The following KLRG2 variants were observed in gnomAD, a reference collection of about 807,000 sequenced individuals.
The protein encoded by KLRG2 is killer cell lectin like receptor G2.
Under a neutral mutation model 35.4 loss-of-function variants are expected in KLRG2, and 39 were observed. That is an observed-to-expected ratio of 1.10 (90% confidence interval 0.85 to 1.44). The LOEUF (loss-of-function observed/expected upper bound fraction) is 1.44. KLRG2 is among the 40% of genes most tolerant of loss of function. The pLI is 0.00. For missense variants in KLRG2, 632 were observed against 570.9 expected (o/e 1.11, Z -1.09); for synonymous variants, 283 against 265.8 (o/e 1.06, Z -0.63).
Position 139,479,740 on chromosome 7 carries a change from C to G in KLRG2, c.892G>C (p.Val298Leu), listed in dbSNP as rs768304250. ...ARCQQCPPGW[V>L]LSEEHCYYFS... ...TAGTAACAGTGCTCCTCGGACAACA[C>G]CCAGCCTGGGGGGCACTGCTGGCAT... is the stretch of plus-strand genomic sequence containing the variant. The change falls in exon 3 of 5, where the codon GTG becomes CTG. Residue 298 changes from valine to leucine, a missense_variant. Transcript: ENST00000340940. 6.2e-7 allele frequency: 1 copy of G among 1,614,044 alleles called. No individual in the cohort carries two copies. Among genetic ancestry groups the G allele is most frequent in the African/African-American group, 1.3e-5 (1 of 75,036 alleles).
At chr7:139,436,345 C>G in the KLRG2 span, among the ~76,000 whole-genome samples, 3 of 152,124 alleles carry the variant, frequency 2.0e-5, no homozygotes, top group Non-Finnish European at 4.4e-5. Flanking sequence ...GGAACCCCCC[C>G]CTTCACACCT....
At chr7:139,429,502 T>C in the KLRG2 span, among the ~76,000 whole-genome samples, 1 of 151,822 alleles carries the variant, frequency 6.6e-6, no homozygotes, top group Non-Finnish European at 1.5e-5. Flanking sequence ...CTGGTTTTCC[T>C]AGGCAGAGGA....
In KLRG2 at chr7:139,482,995, G is replaced by GGGGGAGCCC. The variant is rs1796989610; in HGVS notation, c.639_647dup (p.Gly214_Pro216dup). The GGGGGAGCCC allele has an allele frequency of 2.9e-6, 4 of 1,384,912 alleles. No individual in the cohort carries two copies. The highest frequency in any genetic ancestry group is 1.6e-5 in the South Asian group (1 of 60,644). 85.8% of individuals were successfully genotyped at this position (1,384,912 alleles called of 1,614,324 possible). On this transcript the variant is annotated inframe_insertion, in exon 1 of 5. Transcript: ENST00000340940. Reference sequence around the variant, plus strand: ...CCAGCTCCTTGCAGCGGCAGCACGTGGGGGAGCCCGGGGAGCCGGCGCTTC... The same window carrying GGGGGAGCCC: ...CCAGCTCCTTGCAGCGGCAGCACGTGGGGGAGCCCGGGGAGCCCGGGGAGCCGGCGCTTC...
rs752096203 is a variant in KLRG2 at position 139,473,543 on chromosome 7, A to T, written c.1005+6084T>A. Reference sequence around the variant, plus strand: ...TTACTCTCAATGACAGCAGCTGAGGATCACAACATTTGAGGAAATTTTCTA... The same window carrying T: ...TTACTCTCAATGACAGCAGCTGAGGTTCACAACATTTGAGGAAATTTTCTA... On this transcript the variant is annotated intron_variant, in intron 3 of 4. Coordinates refer to ENST00000340940, the MANE Select transcript of KLRG2 (RefSeq NM_198508.4). Among the ~76,000 whole-genome samples, 121 of 152,332 alleles carry T rather than the reference A, an allele frequency of 7.9e-4. 2 individuals carry two copies. Among genetic ancestry groups the T allele is most frequent in the Non-Finnish European group, 6.3e-4 (43 of 68,034 alleles).
intron 3 of KLRG2, among the ~76,000 whole-genome samples, chr7:139,478,718 T>C (rs138607314): frequency 0.014 from 2,086 of 152,010 alleles, 55 homozygotes; most frequent in African/African-American, 0.048. Context: ...CTGGATCCTA[T>C]CTATTGGTCC....
the KLRG2 span, among the ~76,000 whole-genome samples, chr7:139,447,520 C>T: frequency 3.3e-5 from 5 of 152,048 alleles, no homozygotes; most frequent in African/African-American, 1.2e-4. Context: ...CGTGCCTCAG[C>T]CTCCCAAGTA....
At chr7:139,462,924 T>C (rs56383197) in intron 3 of KLRG2, among the ~76,000 whole-genome samples, 24,785 of 152,028 alleles carry the variant, frequency 0.16, 2,714 homozygotes, top group African/African-American at 0.32. Context: ...CCTCCCCAGG[T>C]TGCTCCTCAC....
At chr7:139,475,703 G>C (rs549903618) in intron 3 of KLRG2, among the ~76,000 whole-genome samples, 1 of 152,052 alleles carries the variant, frequency 6.6e-6, no homozygotes, top group Non-Finnish European at 1.5e-5. Context: ...ACCAGTAAAT[G>C]TGTTTCCCTA....
At chr7:139,481,917 A>C (rs1293571777) in intron 1 of KLRG2, among the ~76,000 whole-genome samples, 1 of 151,914 alleles carries the variant, frequency 6.6e-6, no homozygotes, top group East Asian at 1.9e-4. Context: ...ACAAGCGCAA[A>C]ACTTATTTCT....
At chr7:139,462,132 C>T (rs1201823532) in intron 3 of KLRG2, among the ~76,000 whole-genome samples, 2 of 152,170 alleles carry the variant, frequency 1.3e-5, no homozygotes, top group East Asian at 3.8e-4. Context: ...ACAGGAGACG[C>T]GTTTTATCCG....
At chr7:139,482,169 G>A (rs2116489311) in intron 1 of KLRG2, among the ~76,000 whole-genome samples, 1 of 152,284 alleles carries the variant, frequency 6.6e-6, no homozygotes, top group African/African-American at 2.4e-5. Context: ...GGGGCTAAAT[G>A]TTCCTCAGTG....
chr7:139,467,150 A>G (rs1796673539), intron 3 of KLRG2, among the ~76,000 whole-genome samples: 2 of 152,082 alleles, frequency 1.3e-5, no homozygotes, highest in African/African-American at 4.8e-5. Context: ...CTAGGTTCCC[A>G]TGTCGCCCCT....
At chr7:139,445,349 T>G in the KLRG2 span, among the ~76,000 whole-genome samples, 42 of 152,278 alleles carry the variant, frequency 2.8e-4, 1 homozygote, top group African/African-American at 8.9e-4. Context: ...CTCAAAGTGC[T>G]GGGATTACAG....
At chr7:139,464,953 C>A (rs1470268768) in intron 3 of KLRG2, among the ~76,000 whole-genome samples, 3 of 152,264 alleles carry the variant, frequency 2.0e-5, no homozygotes, top group Non-Finnish European at 4.4e-5. Context: ...CCCACAATTA[C>A]CATTGTTACT....
the KLRG2 span, among the ~76,000 whole-genome samples, chr7:139,429,167 G>A: frequency 6.6e-6 from 1 of 152,108 alleles, no homozygotes; most frequent in African/African-American, 2.4e-5. Context: ...TTAGCCAGAC[G>A]TGGTGGCGCG....
At chr7:139,469,497 A>ACAC (rs758365631) in intron 3 of KLRG2, among the ~76,000 whole-genome samples, 11 of 151,856 alleles carry the variant, frequency 7.2e-5, no homozygotes, top group Non-Finnish European at 1.6e-4. Context: ...TCGCTCCGTC[A>ACAC]CCCAGTAGCG....
chr7:139,477,638 G>A lies in KLRG2; in HGVS notation c.1005+1989C>T, dbSNP rs113431902. Among the ~76,000 whole-genome samples, 780 of 152,264 alleles carry A rather than the reference G, an allele frequency of 5.1e-3. 7 individuals carry two copies. Among genetic ancestry groups the A allele is most frequent in the African/African-American group, 0.017 (693 of 41,554 alleles). On this transcript the variant is annotated intron_variant, in intron 3 of 4. Coordinates refer to ENST00000340940, the MANE Select transcript of KLRG2 (RefSeq NM_198508.4). ...GGTTAGAGTTTCAGTTGTACAAGAC[G>A]AAAAGAGTTCAGGAGATGGATGGTG...
At chr7:139,427,482 T>C in the KLRG2 span, among the ~76,000 whole-genome samples, 3 of 152,192 alleles carry the variant, frequency 2.0e-5, no homozygotes, top group Non-Finnish European at 2.9e-5. Context: ...AGCATCAAAA[T>C]CTGCTCTGAT....
intron 3 of KLRG2, among the ~76,000 whole-genome samples, chr7:139,460,854 G>A (rs1796556426): frequency 6.6e-6 from 1 of 152,142 alleles, no homozygotes; most frequent in Admixed American, 6.5e-5. Context: ...AGCTACTTGG[G>A]AGGCTGAGGC....
Sources: gnomAD v4.1 joint callset for allele counts (sites outside exome capture counted in the v4.1 genomes callset) on GRCh38, gnomAD v4.1.1 for gene constraint, MANE v1.5 for transcripts, NCBI Gene and HGNC (gene_info 2026-07-23, HGNC 2026-07-21) for gene names.